Variants in PLCG2 observed in about 807,000 individuals in gnomAD.
PLCG2 encodes the protein phospholipase C gamma 2.
A neutral mutation model predicts 175.6 loss-of-function variants in PLCG2; 69 were observed. That is an observed-to-expected ratio of 0.39 (90% CI 0.32 to 0.48). PLCG2 has a LOEUF of 0.48. PLCG2 is among the 20% of genes least tolerant of loss of function. The probability of loss-of-function intolerance (pLI) is 0.91; values close to 1 mark genes in which losing one functional copy is unlikely to be tolerated. For missense variants in PLCG2, 1,798 were observed against 1,650.9 expected (o/e 1.09, Z -1.54); for synonymous variants, 827 against 624.0 (o/e 1.33, Z -4.85).
At chr16:81,817,194 G>A (rs1365744854) in intron 2 of PLCG2, among the ~76,000 whole-genome samples, 1 of 151,964 alleles carries the variant, frequency 6.6e-6, no homozygotes, top group Non-Finnish European at 1.5e-5. Flanking sequence ...GTCAGAAAAG[G>A]CCTCTCTGAG....
At chr16:81,884,693 TC>T (rs1391996134) in intron 9 of PLCG2, among the ~76,000 whole-genome samples, 1 of 148,776 alleles carries the variant, frequency 6.7e-6, no homozygotes, top group African/African-American at 2.6e-5. Context: ...TTTACTTTTT[TC>T]TTTTACTTCA....
At chr16:81,885,053 A>G (rs113751215) in intron 9 of PLCG2, among the ~76,000 whole-genome samples, 82 of 139,232 alleles carry the variant, frequency 5.9e-4, no homozygotes, top group Non-Finnish European at 6.3e-4. Flanking sequence ...ATGCCTGACA[A>G]TTTTTTTTTT....
At chr16:81,946,877 G>T (rs1204844109) in intron 31 of PLCG2, among the ~76,000 whole-genome samples, 44 of 151,278 alleles carry the variant, frequency 2.9e-4, no homozygotes, top group Admixed American at 2.8e-3. Flanking sequence ...TTAAACCAGT[G>T]AGCATGAAGA....
intron 21 of PLCG2, 86 bp downstream of exon 21, chr16:81,921,355 G>C (rs991478269): frequency 1.5e-5 from 14 of 923,002 alleles, no homozygotes; most frequent in Non-Finnish European, 2.5e-5. Context: ...AGTTATAACA[G>C]GGCAAGGGAA....
rs1911779417 is a variant in PLCG2 at position 81,961,623 on chromosome 16, A to C, written c.*3625A>C. ...CAAGGAGTAAAAGGAAAAGTGGGGCATTCCTTGCTACTAAAAATTGCCTTG... is the reference window on the plus strand; with the variant it reads ...CAAGGAGTAAAAGGAAAAGTGGGGCCTTCCTTGCTACTAAAAATTGCCTTG... On this transcript the variant is annotated 3_prime_UTR_variant, in exon 33 of 33. Transcript: ENST00000564138. The C allele has an allele frequency of 4.6e-6, 1 of 216,232 alleles. No homozygotes were observed. Among genetic ancestry groups the C allele is most frequent in the South Asian group, 1.9e-4 (1 of 5,390 alleles). 13.4% of individuals were successfully genotyped at this position (216,232 alleles called of 1,614,324 possible).
intron 2 of PLCG2, among the ~76,000 whole-genome samples, chr16:81,790,634 A>G (rs1364153129): frequency 6.6e-6 from 1 of 152,188 alleles, no homozygotes; most frequent in African/African-American, 2.4e-5. Flanking sequence ...GAGCACCGGC[A>G]CCTGGTTTTG....
intron 2 of PLCG2, among the ~76,000 whole-genome samples, chr16:81,810,149 G>T (rs550610868): frequency 3.3e-5 from 5 of 151,998 alleles, no homozygotes; most frequent in Non-Finnish European, 7.4e-5. Context: ...TCACCACCAC[G>T]CCCAGCTAAT....
At chr16:81,855,818 C>T (rs1034296164) in intron 3 of PLCG2, among the ~76,000 whole-genome samples, 1 of 151,896 alleles carries the variant, frequency 6.6e-6, no homozygotes, top group African/African-American at 2.4e-5. Context: ...TGTGCCAGGG[C>T]TTGGAGGAGG....
chr16:81,931,295 C>G (rs1910491792), intron 24 of PLCG2: 3 of 444,280 alleles, frequency 6.8e-6, no homozygotes, highest in African/African-American at 2.0e-5. Context: ...TTCGGAGGAC[C>G]CTACTGAATC....
intron 2 of PLCG2, among the ~76,000 whole-genome samples, chr16:81,760,573 A>G (rs1910016421): frequency 6.6e-6 from 1 of 151,962 alleles, no homozygotes; most frequent in Non-Finnish European, 1.5e-5. Context: ...ATAGGAGGTC[A>G]AATTTTGCTG....
At chr16:81,797,618 G>C (rs1405212388) in intron 2 of PLCG2, among the ~76,000 whole-genome samples, 7 of 152,230 alleles carry the variant, frequency 4.6e-5, no homozygotes. Context: ...CTGGTTAACA[G>C]ATGAATCAGG....
chr16:81,854,915 C>G (rs1430153791), intron 3 of PLCG2, among the ~76,000 whole-genome samples: 1 of 152,082 alleles, frequency 6.6e-6, no homozygotes, highest in Non-Finnish European at 1.5e-5. Context: ...GAAGGCCAGG[C>G]TCTGTTGGAT....
At chr16:81,766,279 C>T (rs1382630457) in intron 2 of PLCG2, among the ~76,000 whole-genome samples, 2 of 152,152 alleles carry the variant, frequency 1.3e-5, no homozygotes, top group African/African-American at 2.4e-5. Context: ...GAAACACAGC[C>T]TCTCCTAGGG....
At chr16:81,943,120 C>A (rs1302276188) in intron 30 of PLCG2, among the ~76,000 whole-genome samples, 2 of 152,028 alleles carry the variant, frequency 1.3e-5, no homozygotes, top group African/African-American at 4.8e-5. Context: ...CTGATAGCCT[C>A]CCGGAATGCC....
At chr16:81,761,672 C>G (rs1443153543) in intron 2 of PLCG2, among the ~76,000 whole-genome samples, 1 of 152,148 alleles carries the variant, frequency 6.6e-6, no homozygotes, top group Non-Finnish European at 1.5e-5. Context: ...AGACATAAGG[C>G]TTAGAACCAT....
In PLCG2 at chr16:81,908,488, G is replaced by C. The variant is rs926237449; in HGVS notation, c.1630G>C (p.Glu544Gln). 1 of 1,614,002 alleles carries C rather than the reference G, an allele frequency of 6.2e-7. No individual in the cohort carries two copies. Among genetic ancestry groups the C allele is most frequent in the Non-Finnish European group, 8.5e-7 (1 of 1,180,010 alleles). ...HKKVEKRTSAEKLLQEYCMET... is the reference protein window; with the variant it reads ...HKKVEKRTSAQKLLQEYCMET... ...GAAGGTGGAGAAGAGGACGAGTGCC[G>C]AGAAGTTGCTGCAGGAATACTGCAT... The change falls in exon 17 of 33, where the codon GAG becomes CAG. Residue 544 changes from glutamate (E) to glutamine (Q), a missense_variant. Transcript: ENST00000564138.
intron 2 of PLCG2, among the ~76,000 whole-genome samples, chr16:81,769,997 C>G (rs1488122246): frequency 6.6e-6 from 1 of 152,174 alleles, no homozygotes; most frequent in Non-Finnish European, 1.5e-5. Flanking sequence ...GGATGAAATA[C>G]ATTGACTGCA....
At chr16:81,790,304 A>T (rs1253584345) in intron 2 of PLCG2, among the ~76,000 whole-genome samples, 1 of 152,200 alleles carries the variant, frequency 6.6e-6, no homozygotes, top group South Asian at 2.1e-4. Context: ...TCAGGTTTTC[A>T]GAAGAGGGAT....
intron 14 of PLCG2, among the ~76,000 whole-genome samples, chr16:81,902,997 A>G (rs892783583): frequency 3.3e-5 from 5 of 152,172 alleles, no homozygotes; most frequent in Admixed American, 1.3e-4. Context: ...GGTTCCTCCT[A>G]TGACACGTGG....
Sources: gnomAD v4.1 joint callset for allele counts (sites outside exome capture counted in the v4.1 genomes callset) on GRCh38, gnomAD v4.1.1 for gene constraint, MANE v1.5 for transcripts, NCBI Gene and HGNC (gene_info 2026-07-23, HGNC 2026-07-21) for gene names.